The following ACACA variants were observed in gnomAD, a reference collection of about 807,000 sequenced individuals.
ACACA encodes acetyl-CoA carboxylase alpha.
Under a neutral mutation model 296.1 loss-of-function variants are expected in ACACA, and 103 were observed. That is an observed-to-expected ratio of 0.35 (90% CI 0.30 to 0.41). The LOEUF is 0.41. Ranked by LOEUF, ACACA falls within the 10% of genes least tolerant of loss-of-function variation. The probability of loss-of-function intolerance (pLI) is 1.00; values close to 1 mark genes in which losing one functional copy is unlikely to be tolerated. For synonymous variants in ACACA, 953 were observed against 1,038.6 expected, an observed-to-expected ratio of 0.92 and a Z score of 1.58; for missense variants, 1,554 against 2,989.7, an observed-to-expected ratio of 0.52 and a Z score of 11.20.
intron 18 of ACACA, 39 bp downstream of exon 18, chr17:37,247,972 A>T: frequency 6.2e-7 from 1 of 1,613,502 alleles, no homozygotes; most frequent in African/African-American, 1.3e-5. Context: ...GAAAAGGCTA[A>T]CAGGATGACC....
intron 1 of ACACA, among the ~76,000 whole-genome samples, chr17:37,402,141 A>C: frequency 6.6e-6 from 1 of 152,190 alleles, no homozygotes; most frequent in Non-Finnish European, 1.5e-5. Context: ...AGAGGACAAA[A>C]GGTGTTTTTT....
intron 52 of ACACA, 132 bp downstream of exon 52, chr17:37,111,399 T>C: frequency 2.6e-6 from 2 of 760,754 alleles, no homozygotes; most frequent in Non-Finnish European, 4.7e-6. Context: ...TCTTACCATA[T>C]AGAGGACAGT....
At chr17:37,136,416 T>C (rs1206100690) in intron 45 of ACACA, among the ~76,000 whole-genome samples, 3 of 152,192 alleles carry the variant, frequency 2.0e-5, no homozygotes, top group Admixed American at 2.0e-4. Context: ...TAATATTCCA[T>C]TTTATGGAAG....
Position 37,113,096 on chromosome 17 carries a change from T to G in ACACA, c.6444A>C (p.Arg2148=), listed in dbSNP as rs55811414. The G allele has an allele frequency of 8.5e-3, 13,724 of 1,614,092 alleles. 491 individuals carry two copies. The African/African-American group carries it at 0.1, about 12-fold the overall frequency. The part of the protein sequence containing the change: ...NPRHMEMYAD[R]ESRGSVLEPE... Reference sequence around the variant, plus strand: ...TGTGGAAGGCACGCTACCTGCTTTCTCGGTCAGCATACATCTCCATGTGCC... The same window carrying G: ...TGTGGAAGGCACGCTACCTGCTTTCGCGGTCAGCATACATCTCCATGTGCC... The change falls in exon 51 of 56, where the codon CGA becomes CGC. Residue 2148 remains arginine, a synonymous_variant. Coordinates refer to ENST00000616317, the MANE Select transcript of ACACA (RefSeq NM_198834.3). The surrounding 1 kb of genome is among the most constrained non-coding windows in gnomAD (Gnocchi z 4.0).
chr17:37,255,207 A>G (rs1189444886), intron 14 of ACACA, among the ~76,000 whole-genome samples: 4 of 152,184 alleles, frequency 2.6e-5, no homozygotes, highest in Non-Finnish European at 5.9e-5. Flanking sequence ...CGTTTACTGA[A>G]TGCTTACTAT....
chr17:37,179,342 G>A lies in ACACA; in HGVS notation c.4997C>T (p.Ser1666Phe). The A allele has an allele frequency of 6.2e-7, 1 of 1,614,206 alleles. No individual in the cohort carries two copies. Among genetic ancestry groups the A allele is most frequent in the Non-Finnish European group, 8.5e-7 (1 of 1,180,028 alleles). The change falls in exon 41 of 56, where the codon TCT (serine) becomes TTT (phenylalanine). Residue 1666 changes from serine (S) to phenylalanine (F), a missense_variant. Physicochemically the swap from Ser to Phe is radical, Grantham distance 155. Around this residue, in one of 16 missense-constraint regions of ACACA, gnomAD observed 553 missense variants for 1,043.6 expected, o/e 0.53. Coordinates refer to ENST00000616317, the MANE Select transcript of ACACA (RefSeq NM_198834.3). ...CAGTTCAGTGTAAGTCAGCATGTCA[G>A]AAGGCAGAGGGGGAGATGGAAGAAA... ...QAFLPSPPLP[S>F]DMLTYTELVL...
intron 3 of ACACA, among the ~76,000 whole-genome samples, chr17:37,289,258 T>C (rs2082933860): frequency 6.7e-6 from 1 of 148,300 alleles, no homozygotes; most frequent in Non-Finnish European, 1.5e-5. Context: ...TTAGACTCCA[T>C]CTCAAAAAAA....
intron 1 of ACACA, among the ~76,000 whole-genome samples, chr17:37,382,523 G>A (rs973725163): frequency 3.3e-5 from 5 of 151,980 alleles, no homozygotes; most frequent in African/African-American, 7.3e-5. Context: ...ACTAAAACTG[G>A]GAAATAAGTG....
At chr17:37,323,820 G>C (rs1487811104) in intron 3 of ACACA, among the ~76,000 whole-genome samples, 1 of 152,200 alleles carries the variant, frequency 6.6e-6, no homozygotes, top group African/African-American at 2.4e-5. Context: ...GATAGCATGC[G>C]GTGAATTTTA....
chr17:37,215,393 T>C (rs989905124), intron 29 of ACACA, among the ~76,000 whole-genome samples: 3 of 152,150 alleles, frequency 2.0e-5, no homozygotes, highest in African/African-American at 7.2e-5. Flanking sequence ...GAGTAAAGGT[T>C]AAAAAGATTA....
intron 10 of ACACA, among the ~76,000 whole-genome samples, chr17:37,269,537 T>G (rs1436695317): frequency 6.6e-6 from 1 of 152,150 alleles, no homozygotes; most frequent in Non-Finnish European, 1.5e-5. Context: ...TTACTGAATG[T>G]TGTACTGAAA....
intron 33 of ACACA, among the ~76,000 whole-genome samples, chr17:37,203,476 G>T (rs578076458): frequency 2.0e-5 from 3 of 151,922 alleles, no homozygotes; most frequent in African/African-American, 7.2e-5. Context: ...GGGCGCAGTG[G>T]CTCACGCTTG....
chr17:37,122,890 A>G (rs758550301), intron 48 of ACACA: 5 of 551,790 alleles, frequency 9.1e-6, no homozygotes, highest in Non-Finnish European at 1.6e-5. Context: ...GGGCTGTTCT[A>G]GGGGAGCCTC....
chr17:37,141,086 C>G (rs2075554827), intron 45 of ACACA: 2 of 442,544 alleles, frequency 4.5e-6, no homozygotes, highest in Admixed American at 5.1e-5. Flanking sequence ...CCATTGTAGT[C>G]CCTGATGGCA....
intron 44 of ACACA, 110 bp downstream of exon 44, chr17:37,151,191 A>G (rs963403474): frequency 1.5e-5 from 19 of 1,244,772 alleles, no homozygotes; most frequent in Non-Finnish European, 2.0e-5. Context: ...ATAGACATAC[A>G]ATCTTCAAGA....
chr17:37,266,607 A>G (rs2081792146), intron 10 of ACACA, among the ~76,000 whole-genome samples: 1 of 152,176 alleles, frequency 6.6e-6, no homozygotes, highest in Non-Finnish European at 1.5e-5. Flanking sequence ...TTTACTTTGC[A>G]AATCTTTTGC....
chr17:37,388,803 G>A (rs2050664101), intron 1 of ACACA: 1 of 1,612,668 alleles, frequency 6.2e-7, no homozygotes, highest in African/African-American at 1.3e-5. Flanking sequence ...CTGTAAGTTT[G>A]CTGTTGTATT....
chr17:37,202,668 CATATATATATATATATATATATATATAT>C (rs1179497445), intron 33 of ACACA, among the ~76,000 whole-genome samples: 1 of 71,188 alleles, frequency 1.4e-5, no homozygotes, highest in Non-Finnish European at 2.9e-5. Context: ...CCTTTTCTTT[CATATATATATATATATATATATATATAT>C]ATATATATAT....
Position 37,280,730 on chromosome 17 carries a change from AAC to A in ACACA, c.610+2535_610+2536del, listed in dbSNP as rs71979048. Among the ~76,000 whole-genome samples, 731 of 146,348 alleles carry A rather than the reference AAC, an allele frequency of 5.0e-3. 2 individuals are homozygous for A. Among genetic ancestry groups the A allele is most frequent in the Non-Finnish European group, 5.3e-3 (356 of 66,546 alleles). On this transcript the variant is annotated intron_variant, in intron 5 of 55. Coordinates refer to ENST00000616317, the MANE Select transcript of ACACA (RefSeq NM_198834.3). ...TATACTCTTCAACTTTTACATAGTT[AAC>A]ACACACACACACACACACACACACA...
Sources: allele counts gnomAD v4.1 joint callset (sites outside exome capture counted in the v4.1 genomes callset), GRCh38; gene constraint gnomAD v4.1.1; regional missense constraint gnomAD v4.1.1; non-coding constraint Gnocchi (gnomAD v3.1); transcripts MANE v1.5; gene names NCBI Gene and HGNC (gene_info 2026-07-23, HGNC 2026-07-21).